Variants in PCSK6 observed in about 807,000 individuals in gnomAD.
PCSK6 encodes paired basic amino acid cleaving enzyme 4.
Under a neutral mutation model 123.3 loss-of-function variants are expected in PCSK6, and 85 were observed. The observed-to-expected ratio is 0.69, with a 90% CI of 0.58 to 0.83. The LOEUF is 0.83. Among genes scored for constraint, PCSK6 ranks in the 40% least tolerant of loss-of-function variants. The pLI, the probability that PCSK6 is intolerant of heterozygous loss-of-function variation, is 0.00. For synonymous variants in PCSK6, 508 were observed against 516.0 expected (o/e 0.98, Z 0.21); for missense variants, 1,191 against 1,282.3 (o/e 0.93, Z 1.09).
chr15:101,427,049 G>A (rs1356564281), intron 6 of PCSK6, among the ~76,000 whole-genome samples: 1 of 152,230 alleles, frequency 6.6e-6, no homozygotes, highest in African/African-American at 2.4e-5. Context: ...TGCACCTAGA[G>A]GGGCCTTCAG....
chr15:101,454,809 G>T lies in PCSK6; in HGVS notation c.298-11149C>A, dbSNP rs1044298226. ...AAAATACAAAAATTAGCCGGGTATG[G>T]TGGCGTGCACCTGTAATCCCAGCTA... is the stretch of plus-strand genomic sequence containing the variant. On this transcript the variant is annotated intron_variant, in intron 1 of 21. Transcript: ENST00000611716. Among the ~76,000 whole-genome samples the T allele has an allele frequency of 2.6e-5, 4 of 152,266 alleles. No homozygotes were observed. In the East Asian group the frequency reaches 7.7e-4, roughly 29 times the overall value.
intron 7 of PCSK6, among the ~76,000 whole-genome samples, chr15:101,396,391 G>C (rs532351818): frequency 6.6e-6 from 1 of 152,150 alleles, no homozygotes; most frequent in African/African-American, 2.4e-5. Context: ...CCTGGACGGA[G>C]GGTGCCTCAT....
At chr15:101,408,332 C>T (rs2042839831) in intron 6 of PCSK6, among the ~76,000 whole-genome samples, 3 of 152,252 alleles carry the variant, frequency 2.0e-5, no homozygotes, top group African/African-American at 7.2e-5. Flanking sequence ...CTCTCTGCTT[C>T]TTTCTTATGT....
intron 1 of PCSK6, among the ~76,000 whole-genome samples, chr15:101,483,647 C>A (rs28652625): frequency 0.014 from 2,149 of 152,324 alleles, 61 homozygotes; most frequent in African/African-American, 0.048. Flanking sequence ...GCCATCCTCT[C>A]CACACAAGCA....
At chr15:101,326,157 C>A (rs1596185714) in intron 16 of PCSK6, among the ~76,000 whole-genome samples, 1 of 152,368 alleles carries the variant, frequency 6.6e-6, no homozygotes, top group East Asian at 1.9e-4. Flanking sequence ...CGCCAACGTG[C>A]AACAGCTTCT....
At chr15:101,452,630 G>A (rs1191819587) in intron 1 of PCSK6, among the ~76,000 whole-genome samples, 2 of 152,170 alleles carry the variant, frequency 1.3e-5, no homozygotes, top group Non-Finnish European at 2.9e-5. Flanking sequence ...TCACATGGGG[G>A]AACGTGGAAT....
chr15:101,449,776 G>A (rs146165582), intron 1 of PCSK6, among the ~76,000 whole-genome samples: 14 of 152,242 alleles, frequency 9.2e-5, no homozygotes, highest in Non-Finnish European at 1.6e-4. Context: ...ATGAGATACC[G>A]AGAAGACAGG....
At chr15:101,355,932 G>A (rs530902049) in intron 13 of PCSK6, among the ~76,000 whole-genome samples, 2 of 152,182 alleles carry the variant, frequency 1.3e-5, no homozygotes, top group Non-Finnish European at 2.9e-5. Flanking sequence ...CTTGGTCTGG[G>A]TCTCACTTCT....
At chr15:101,478,788 G>C (rs1165871498) in intron 1 of PCSK6, among the ~76,000 whole-genome samples, 1 of 152,160 alleles carries the variant, frequency 6.6e-6, no homozygotes, top group Non-Finnish European at 1.5e-5. Flanking sequence ...CCAAAAGCAA[G>C]GTACCAAGAG....
chr15:101,327,057 G>C (rs988735361), intron 15 of PCSK6, among the ~76,000 whole-genome samples: 1 of 152,138 alleles, frequency 6.6e-6, no homozygotes, highest in Non-Finnish European at 1.5e-5. Context: ...GTCTAGGGTG[G>C]GGCAGGGACA....
intron 16 of PCSK6, 134 bp from the exon 17 acceptor site, chr15:101,325,180 T>G: frequency 1.6e-6 from 1 of 640,328 alleles, no homozygotes. Context: ...TCTTGGTGAG[T>G]GCAGTTCTGA....
At chr15:101,313,343 G>C (rs754775985) in intron 20 of PCSK6, 33 bp downstream of exon 20, 2 of 1,612,516 alleles carry the variant, frequency 1.2e-6, no homozygotes, top group Non-Finnish European at 8.5e-7. Flanking sequence ...GCTGGACACA[G>C]CTGCCTGCCG....
chr15:101,461,501 C>G (rs2057339641), intron 1 of PCSK6, among the ~76,000 whole-genome samples: 1 of 152,078 alleles, frequency 6.6e-6, no homozygotes, highest in South Asian at 2.1e-4. Flanking sequence ...ATTTATCAGG[C>G]CAGAATACTT....
chr15:101,372,471 T>C (rs1186578434), intron 11 of PCSK6, among the ~76,000 whole-genome samples: 1 of 152,212 alleles, frequency 6.6e-6, no homozygotes, highest in Non-Finnish European at 1.5e-5. Flanking sequence ...GATCTAGAGA[T>C]GCTGACTTCC....
At chr15:101,313,538 G>C in intron 19 of PCSK6, 33 bp from the exon 20 acceptor site, 1 of 1,568,906 alleles carries the variant, frequency 6.4e-7, no homozygotes, top group Non-Finnish European at 8.6e-7. Flanking sequence ...CAGGTATCAG[G>C]GATGGCTGGC....
At chr15:101,425,497 G>A (rs948652699) in intron 6 of PCSK6, among the ~76,000 whole-genome samples, 2 of 152,172 alleles carry the variant, frequency 1.3e-5, no homozygotes, top group Admixed American at 6.5e-5. Context: ...TGTCACTCAA[G>A]AGACTATAAT....
chr15:101,485,521 T>C (rs1025641338), intron 1 of PCSK6, among the ~76,000 whole-genome samples: 2 of 152,172 alleles, frequency 1.3e-5, no homozygotes, highest in African/African-American at 2.4e-5. Context: ...ACTGCAGCTC[T>C]TTCTAAAGTT....
intron 1 of PCSK6, among the ~76,000 whole-genome samples, chr15:101,448,793 C>T (rs1246301174): frequency 1.3e-5 from 2 of 152,218 alleles, no homozygotes; most frequent in Non-Finnish European, 2.9e-5. Context: ...ATTTCAGGCA[C>T]CTTGGTCCTT....
intron 6 of PCSK6, among the ~76,000 whole-genome samples, chr15:101,403,406 A>G (rs188802329): frequency 0.024 from 3,390 of 143,762 alleles, 56 homozygotes; most frequent in Non-Finnish European, 0.036. Flanking sequence ...ATGTACCCTA[A>G]AACTTAAAGT....
Sources: allele counts gnomAD v4.1 joint callset (sites outside exome capture counted in the v4.1 genomes callset), GRCh38; gene constraint gnomAD v4.1.1; transcripts MANE v1.5; gene names NCBI Gene and HGNC (gene_info 2026-07-23, HGNC 2026-07-21).